CFAP77: variants seen among roughly 807,000 people sequenced by gnomAD.
CFAP77 encodes cilia- and flagella-associated protein 77.
CFAP77 carries 25 observed loss-of-function variants against 31.1 expected under a neutral mutation model. The observed-to-expected ratio is 0.80, with a 90% CI of 0.59 to 1.12. The LOEUF is 1.12. Among genes scored for constraint, CFAP77 ranks in the 50% most tolerant of loss-of-function variants. CFAP77 has a pLI of 0.00. For missense variants in CFAP77, 377 were observed against 397.3 expected, an observed-to-expected ratio of 0.95 and a Z score of 0.44; for synonymous variants, 151 against 159.9, an observed-to-expected ratio of 0.94 and a Z score of 0.42.
At chr9:132,479,167 A>C (rs1851401993) in intron 1 of CFAP77, among the ~76,000 whole-genome samples, 1 of 152,230 alleles carries the variant, frequency 6.6e-6, no homozygotes, top group Non-Finnish European at 1.5e-5. Context: ...CGCATGTAGC[A>C]ATTATGCCAC....
At chr9:132,468,973 G>T (rs1485175468) in intron 1 of CFAP77, among the ~76,000 whole-genome samples, 3 of 152,162 alleles carry the variant, frequency 2.0e-5, no homozygotes, top group Non-Finnish European at 4.4e-5. Context: ...TGGGGAAAGA[G>T]ACCTGAAGAA....
chr9:132,444,619 GT>G (rs1308860312), intron 1 of CFAP77, among the ~76,000 whole-genome samples: 2 of 152,178 alleles, frequency 1.3e-5, no homozygotes, highest in Non-Finnish European at 2.9e-5. Flanking sequence ...CTTGGCTGTG[GT>G]CTCCCGAAAT....
Position 132,499,613 on chromosome 9 carries a change from G to A in CFAP77, c.524+13G>A, listed in dbSNP as rs1411124818. ...GGATCCGGGCACGGTAAGGTGGCTG[G>A]CAGCCAGGGCTTCATCCCTTGAGGG... is the stretch of plus-strand genomic sequence containing the variant. On this transcript the variant is annotated intron_variant, in intron 3 of 5. Transcript: ENST00000393216. The surrounding 1 kb of genome is among the most constrained non-coding windows in gnomAD (Gnocchi z 5.4). The A allele has an allele frequency of 6.2e-7, 1 of 1,612,528 alleles. No homozygotes were observed.
chr9:132,448,535 G>C (rs185889591), intron 1 of CFAP77, among the ~76,000 whole-genome samples: 3 of 152,250 alleles, frequency 2.0e-5, no homozygotes, highest in Non-Finnish European at 4.4e-5. Flanking sequence ...AGAGTTCTTA[G>C]AACACAGGAA....
At chr9:132,432,090 T>C (rs1850420688) in intron 1 of CFAP77, among the ~76,000 whole-genome samples, 1 of 152,086 alleles carries the variant, frequency 6.6e-6, no homozygotes. Flanking sequence ...ACACTGCACG[T>C]CAGGGAACAA....
At chr9:132,486,588 G>A (rs1365539099) in intron 1 of CFAP77, among the ~76,000 whole-genome samples, 3 of 152,196 alleles carry the variant, frequency 2.0e-5, no homozygotes, top group Non-Finnish European at 4.4e-5. Flanking sequence ...CAAGGTATTA[G>A]TTCCTTCCAA....
chr9:132,433,450 C>G (rs548763937), intron 1 of CFAP77, among the ~76,000 whole-genome samples: 2 of 152,188 alleles, frequency 1.3e-5, no homozygotes, highest in Non-Finnish European at 2.9e-5. Context: ...ATGGCATAAA[C>G]TAGCCACCTG....
chr9:132,565,692 T>G lies in CFAP77; in HGVS notation c.733-6696T>G, dbSNP rs1019642674. The stretch of plus-strand genomic sequence containing the variant: ...ACAAACAATCACATGTACAGTGTGT[T>G]TAGTGACCGCTTCCCAAGATGTCTC... On this transcript the variant is annotated intron_variant, in intron 5 of 5. Transcript: ENST00000393216. This position sits in a 1 kb window ranked among gnomAD's most constrained non-coding sequence, Gnocchi z 4.1. Among the ~76,000 whole-genome samples the G allele has an allele frequency of 4.6e-5, 7 of 152,100 alleles. No individual in the cohort carries two copies. The highest frequency in any genetic ancestry group is 1.7e-4 in the African/African-American group (7 of 41,428).
intron 1 of CFAP77, among the ~76,000 whole-genome samples, chr9:132,493,843 C>T (rs1286306319): frequency 6.6e-6 from 1 of 151,660 alleles, no homozygotes; most frequent in Non-Finnish European, 1.5e-5. Flanking sequence ...TTTTTCTTTC[C>T]TTTCTTTTCT....
intron 3 of CFAP77, among the ~76,000 whole-genome samples, chr9:132,509,489 T>C (rs576129): frequency 6.6e-6 from 1 of 152,006 alleles, no homozygotes; most frequent in African/African-American, 2.4e-5. Flanking sequence ...TGAGGGCCAG[T>C]CTTGCTCGGT....
chr9:132,482,330 G>C (rs775000356), intron 1 of CFAP77: 10 of 1,613,708 alleles, frequency 6.2e-6, no homozygotes, highest in Non-Finnish European at 8.5e-6. Context: ...CGGCCTCGGT[G>C]GGAACCTCTT....
intron 1 of CFAP77, among the ~76,000 whole-genome samples, chr9:132,412,278 G>T (rs992722852): frequency 6.6e-6 from 1 of 152,210 alleles, no homozygotes; most frequent in African/African-American, 2.4e-5. Flanking sequence ...CCACGTCCAG[G>T]CTCGTGCTCT....
chr9:132,459,933 C>T (rs543193868), intron 1 of CFAP77, among the ~76,000 whole-genome samples: 23 of 150,380 alleles, frequency 1.5e-4, no homozygotes, highest in Non-Finnish European at 3.1e-4. Context: ...TGAGTGTGTG[C>T]GTGAGTGTGT....
chr9:132,513,159 A>G (rs191311740), intron 3 of CFAP77: 2 of 1,285,512 alleles, frequency 1.6e-6, no homozygotes, highest in African/African-American at 1.5e-5. Context: ...ACACAATCCA[A>G]TTCTACTCTT....
At chr9:132,562,162 G>A (rs2119102539) in intron 5 of CFAP77, among the ~76,000 whole-genome samples, 2 of 152,300 alleles carry the variant, frequency 1.3e-5, no homozygotes, top group South Asian at 2.1e-4. Context: ...TCCAATAAGG[G>A]AAACTCATAA....
At chr9:132,549,006 G>GA (rs536982462) in intron 5 of CFAP77, among the ~76,000 whole-genome samples, 1 of 152,098 alleles carries the variant, frequency 6.6e-6, no homozygotes, top group African/African-American at 2.4e-5. Flanking sequence ...GAGATGGAGG[G>GA]AAAAAAATAT....
chr9:132,482,493 C>T (rs1851466499), intron 1 of CFAP77: 2 of 1,126,864 alleles, frequency 1.8e-6, no homozygotes, highest in South Asian at 2.5e-5. Context: ...GGCTTCCGCA[C>T]ACCTACTGCG....
chr9:132,548,404 A>G lies in CFAP77; in HGVS notation c.732+5357A>G, dbSNP rs181363194. 3.3e-3 allele frequency among the ~76,000 whole-genome samples: 508 copies of G among 152,236 alleles called. 8 individuals are homozygous for G. Among genetic ancestry groups the G allele is most frequent in the African/African-American group, 0.012 (494 of 41,534 alleles). ...CTATTTTTTTAAATGTTTTTAAAAG[A>G]TGGAGATCCTGAGTTCTTCCCCAGG... is the stretch of plus-strand genomic sequence containing the variant. On this transcript the variant is annotated intron_variant, in intron 5 of 5. Transcript: ENST00000393216.
At chr9:132,560,736 C>T (rs1852981986) in intron 5 of CFAP77, among the ~76,000 whole-genome samples, 1 of 152,166 alleles carries the variant, frequency 6.6e-6, no homozygotes, top group Admixed American at 6.5e-5. Flanking sequence ...GAGCTTCAGT[C>T]TCCTCCTTTG....
Sources: gnomAD v4.1 joint callset for allele counts (sites outside exome capture counted in the v4.1 genomes callset) on GRCh38, gnomAD v4.1.1 for gene constraint, Gnocchi (gnomAD v3.1) non-coding constraint, MANE v1.5 for transcripts, NCBI Gene and HGNC (gene_info 2026-07-23, HGNC 2026-07-21) for gene names.